The following RAB5B variants were observed in gnomAD, a reference collection of about 807,000 sequenced individuals.
RAB5B encodes the protein ras-related protein Rab-5B.
Under a neutral mutation model 28.6 loss-of-function variants are expected in RAB5B, and 11 were observed. That is an observed-to-expected ratio of 0.38 (90% CI 0.24 to 0.64). The LOEUF is 0.64. Ranked by LOEUF, RAB5B falls within the 30% of genes least tolerant of loss-of-function variation. RAB5B has a pLI of 0.53. For synonymous variants in RAB5B, 93 were observed against 97.9 expected (o/e 0.95, Z 0.29); for missense variants, 169 against 265.6 (o/e 0.64, Z 2.53).
intron 2 of RAB5B, 111 bp from the exon 3 acceptor site, chr12:55,989,836 C>T: frequency 1.6e-6 from 2 of 1,283,976 alleles, no homozygotes; most frequent in Non-Finnish European, 2.3e-6. Context: ...GCTGACTATC[C>T]TGGGTGGTGA....
chr12:55,994,740 GTTATTA>G lies in RAB5B; in HGVS notation c.*2540_*2545del, dbSNP rs927479700. 1 of 152,022 alleles carries G rather than the reference GTTATTA, an allele frequency of 6.6e-6. No homozygotes were observed. The highest frequency in any genetic ancestry group is 1.5e-5 in the Non-Finnish European group (1 of 67,906). 9.4% of individuals were successfully genotyped at this position (152,022 alleles called of 1,614,324 possible). ...GAGTGTTGCTTTTTTTTATTTTATT[GTTATTA>G]TTATTATTATTTTTGCTATTTGTCA... is the stretch of plus-strand genomic sequence containing the variant. On this transcript the variant is annotated 3_prime_UTR_variant, in exon 6 of 6. Coordinates refer to ENST00000360299, the MANE Select transcript of RAB5B (RefSeq NM_002868.4).
rs1456211858 is a variant in RAB5B at position 55,996,659 on chromosome 12, A to G, written c.*4447A>G. The stretch of plus-strand genomic sequence containing the variant: ...GGGGCGATTATTATTTTTTTTTTCT[A>G]CGCAAAATAAAAGACGGCTATTCAG... On this transcript the variant is annotated 3_prime_UTR_variant, in exon 6 of 6. Transcript: ENST00000360299. The G allele has an allele frequency of 1.3e-5, 2 of 151,724 alleles. No homozygotes were observed. Among genetic ancestry groups the G allele is most frequent in the Non-Finnish European group, 2.9e-5 (2 of 67,926 alleles). 9.4% of individuals were successfully genotyped at this position (151,724 alleles called of 1,614,324 possible). A position where few individuals can be genotyped will look rare whatever the true frequency, so the allele number is the denominator to read the frequency against.
In RAB5B at chr12:55,990,751, G is replaced by T. The variant is rs1890089571; in HGVS notation, c.385G>T (p.Ala129Ser). The T allele has an allele frequency of 6.2e-7, 1 of 1,614,120 alleles. No homozygotes were observed. Among genetic ancestry groups the T allele is most frequent in the Middle Eastern group, 1.6e-4 (1 of 6,062 alleles). Residue 129 changes from alanine to serine, a missense_variant, in exon 4 of 6, where the codon GCC (alanine) becomes TCC (serine). Ala to Ser is a moderately conservative substitution (Grantham distance 99). This residue lies in a region of RAB5B where 123 missense variants were observed against 162.4 expected (regional missense o/e 0.76). Coordinates refer to ENST00000360299, the MANE Select transcript of RAB5B (RefSeq NM_002868.4). ...QRQASPSIVI[A>S]LAGNKADLAN... ...ACAGGCCAGTCCTAGCATCGTTATT[G>T]CCCTGGCAGGGAACAAAGCTGACCT...
At chr12:55,980,762 G>A (rs770307072) in intron 1 of RAB5B, 15 of 1,578,596 alleles carry the variant, frequency 9.5e-6, no homozygotes, top group South Asian at 4.4e-5. Flanking sequence ...TTTCTCATCC[G>A]TGATGTCGTA....
In RAB5B at chr12:55,987,045, T is replaced by G. The variant is rs1221069919; in HGVS notation, c.85T>G (p.Ser29Ala). 6.2e-7 allele frequency: 1 copy of G among 1,613,822 alleles called. No homozygotes were observed. The highest frequency in any genetic ancestry group is 1.7e-5 in the Admixed American group (1 of 59,976). Residue 29 changes from serine (S) to alanine (A), a missense_variant, in exon 2 of 6, where the codon TCT (serine) becomes GCT (alanine). This residue lies in a region of RAB5B where 43 missense variants were observed against 85.8 expected (regional missense o/e 0.50). Coordinates refer to ENST00000360299, the MANE Select transcript of RAB5B (RefSeq NM_002868.4). ...CQFKLVLLGESAVGKSSLVLR... is the reference protein window; with the variant it reads ...CQFKLVLLGEAAVGKSSLVLR... ...GTTCAAATTGGTCCTGCTGGGAGAA[T>G]CTGCAGTGGGAAAGTCAAGCCTGGT...
chr12:55,985,403 A>T lies in RAB5B; in HGVS notation c.-92-1466A>T, dbSNP rs74091465. 2.5e-3 allele frequency among the ~76,000 whole-genome samples: 383 copies of T among 152,334 alleles called. 5 individuals are homozygous for T. The highest frequency in any genetic ancestry group is 8.5e-3 in the African/African-American group (353 of 41,564). ...ATCTGCTTTGGAAAAGCGAAAGAGT[A>T]ATTTGAACAAGCAAAGTACAACTCT... On this transcript the variant is annotated intron_variant, in intron 1 of 5. Coordinates refer to ENST00000360299, the MANE Select transcript of RAB5B (RefSeq NM_002868.4).
At chr12:55,985,289 GT>G (rs1889922102) in intron 1 of RAB5B, among the ~76,000 whole-genome samples, 1 of 152,124 alleles carries the variant, frequency 6.6e-6, no homozygotes, top group Admixed American at 6.6e-5. Flanking sequence ...TTTAACCCCA[GT>G]TTAACTCCAG....
intron 1 of RAB5B, among the ~76,000 whole-genome samples, chr12:55,975,085 T>C (rs77144974): frequency 2.0e-4 from 31 of 152,170 alleles, no homozygotes; most frequent in Non-Finnish European, 3.2e-4. Flanking sequence ...TCCACTTCTT[T>C]CCCACTTAAT....
In RAB5B at chr12:55,995,581, G is replaced by A. The variant is rs1309572473; in HGVS notation, c.*3369G>A. 1.3e-5 allele frequency: 2 copies of A among 152,098 alleles called. No homozygotes were observed. The highest frequency in any genetic ancestry group is 2.4e-5 in the African/African-American group (1 of 41,380). 9.4% of individuals were successfully genotyped at this position (152,098 alleles called of 1,614,324 possible). A position where few individuals can be genotyped will look rare whatever the true frequency, so the allele number is the denominator to read the frequency against. ...CCACAGTCTAAAGGTCGAGGGAAGG[G>A]AAATGAAATAGGATTATGTGTGGTT... is the stretch of plus-strand genomic sequence containing the variant. On this transcript the variant is annotated 3_prime_UTR_variant, in exon 6 of 6. Transcript: ENST00000360299.
Position 55,987,131 on chromosome 12 carries a change from C to G in RAB5B, c.163+8C>G, listed in dbSNP as rs746934152. 1 of 1,608,480 alleles carries G rather than the reference C, an allele frequency of 6.2e-7. No homozygotes were observed. The highest frequency in any genetic ancestry group is 1.7e-5 in the Admixed American group (1 of 59,400). On this transcript the variant is annotated splice_region_variant and intron_variant, in intron 2 of 5. Transcript: ENST00000360299. ...AGGAGAGCACCATTGGAGGTGAGTG[C>G]CTTGGGGTAATAGGAGATTGAATGT...
rs1352850468 is a variant in RAB5B, at chr12:55,990,114, A to G, written c.315+16A>G. ...TACTAATCAGGTAAGTGAGCTAAGA[A>G]GACTGTCCTTGTTGGCTGGACATGG... On this transcript the variant is annotated intron_variant, in intron 3 of 5. Transcript: ENST00000360299. 5.0e-6 allele frequency: 8 copies of G among 1,607,926 alleles called. No homozygotes were observed. Among genetic ancestry groups the G allele is most frequent in the Non-Finnish European group, 6.8e-6 (8 of 1,176,222 alleles).
chr12:55,985,095 T>C (rs1451272499), intron 1 of RAB5B, among the ~76,000 whole-genome samples: 1 of 152,252 alleles, frequency 6.6e-6, no homozygotes, highest in Non-Finnish European at 1.5e-5. Flanking sequence ...AAGGCTATTA[T>C]CTCATTTTAC....
chr12:55,990,833 A>T, intron 4 of RAB5B, 29 bp downstream of exon 4: 1 of 1,609,868 alleles, frequency 6.2e-7, no homozygotes. Context: ...TTCCTCTCTA[A>T]CACTTCCTCT....
intron 1 of RAB5B, chr12:55,980,473 A>C (rs1407825536): frequency 6.3e-7 from 1 of 1,591,884 alleles, no homozygotes. Context: ...TTTTCAGGTC[A>C]GTACTGGGAG....
At chr12:55,980,069 A>G (rs1889757840) in intron 1 of RAB5B, among the ~76,000 whole-genome samples, 1 of 152,148 alleles carries the variant, frequency 6.6e-6, no homozygotes, top group South Asian at 2.1e-4. Context: ...AGCCCTTTGC[A>G]GGACCCTAAA....
intron 4 of RAB5B, 41 bp from the exon 5 acceptor site, chr12:55,991,319 C>A: frequency 6.7e-7 from 1 of 1,489,570 alleles, no homozygotes; most frequent in South Asian, 1.1e-5. Flanking sequence ...TACTCGTTCC[C>A]ACCCTACATT....
At chr12:55,981,073 TA>T (rs1889793649) in intron 1 of RAB5B, 1 of 1,574,010 alleles carries the variant, frequency 6.4e-7, no homozygotes, top group South Asian at 1.1e-5. Context: ...TGGGGCTATT[TA>T]TTTATTTTTG....
chr12:55,977,084 C>G (rs1889666038), intron 1 of RAB5B, among the ~76,000 whole-genome samples: 1 of 152,152 alleles, frequency 6.6e-6, no homozygotes, highest in African/African-American at 2.4e-5. Flanking sequence ...ACGCGATTCT[C>G]CTGCCTCAGC....
intron 2 of RAB5B, among the ~76,000 whole-genome samples, chr12:55,989,560 G>T (rs576477338): frequency 6.6e-6 from 1 of 152,184 alleles, no homozygotes; most frequent in Non-Finnish European, 1.5e-5. Flanking sequence ...GATTACAGGC[G>T]TGAGCTACCG....
Sources: allele counts gnomAD v4.1 joint callset (sites outside exome capture counted in the v4.1 genomes callset), GRCh38; gene constraint gnomAD v4.1.1; regional missense constraint gnomAD v4.1.1; transcripts MANE v1.5; gene names NCBI Gene and HGNC (gene_info 2026-07-23, HGNC 2026-07-21).